The following MYH2 variants were observed in gnomAD, a reference collection of about 807,000 sequenced individuals.
MYH2 encodes myosin-2.
MYH2 carries 139 observed loss-of-function variants against 228.1 expected under a neutral mutation model. That is an observed-to-expected ratio of 0.61 (90% confidence interval 0.53 to 0.70). The LOEUF (loss-of-function observed/expected upper bound fraction) is 0.70. Ranked by LOEUF, MYH2 falls within the 30% of genes least tolerant of loss-of-function variation. The pLI is 0.00. For missense variants in MYH2, 1,809 were observed against 2,357.5 expected, an observed-to-expected ratio of 0.77 and a Z score of 4.82; for synonymous variants, 796 against 871.1, an observed-to-expected ratio of 0.91 and a Z score of 1.52.
Position 10,529,607 on chromosome 17 carries a change from G to A in MYH2, c.3074C>T (p.Thr1025Ile). ...DLQAEEDKVN[T>I]LTKAKIKLEQ... ...AAGTTTGATTTTAGCTTTGGTCAGG[G>A]TGTTGACTTTGTCCTCCTCTGCCTG... Residue 1025 changes from threonine to isoleucine, a missense_variant, in exon 24 of 40, where the codon ACC becomes ATC. Coordinates refer to ENST00000245503, the MANE Select transcript of MYH2 (RefSeq NM_017534.6). 6.2e-7 allele frequency: 1 copy of A among 1,614,128 alleles called. No homozygotes were observed. Among genetic ancestry groups the A allele is most frequent in the Non-Finnish European group, 8.5e-7 (1 of 1,180,032 alleles).
Position 10,523,686 on chromosome 17 carries a change from A to T in MYH2, c.5302-20T>A. 6.2e-7 allele frequency: 1 copy of T among 1,614,232 alleles called. No homozygotes were observed. The highest frequency in any genetic ancestry group is 1.1e-5 in the South Asian group (1 of 91,082). On this transcript the variant is annotated intron_variant, in intron 36 of 39. Transcript: ENST00000245503. The stretch of plus-strand genomic sequence containing the variant: ...GGCGGCCTAAATAGCAAATAAATCA[A>T]GAAAACCAAGAAAGTTATAGATGTC...
chr17:10,538,006 G>A (rs2073503547), intron 14 of MYH2, 171 bp from the exon 15 acceptor site: 1 of 1,274,402 alleles, frequency 7.8e-7, no homozygotes, highest in Admixed American at 2.5e-5. Context: ...AAGGTTTGAG[G>A]GCATGTGGAA....
At position 10,527,866 on chromosome 17, in the gene MYH2, T is replaced by C; in HGVS notation, c.3753A>G (p.Leu1251=). 1 of 1,613,424 alleles carries C rather than the reference T, an allele frequency of 6.2e-7. No homozygotes were observed. ...CCTCTAGAGTCCGGCACATTTTCTC[T>C]AGGTTTCCCTATAGAAGAAAAAGTA... is the stretch of plus-strand genomic sequence containing the variant. ...VETVSKAKGN[L]EKMCRTLEDQ... The change falls in exon 28 of 40, where the codon CTA becomes CTG. Residue 1251 remains leucine, a synonymous_variant. Transcript: ENST00000245503.
chr17:10,542,831 G>T, intron 10 of MYH2, 44 bp downstream of exon 10: 1 of 1,323,896 alleles, frequency 7.6e-7, no homozygotes, highest in Non-Finnish European at 1.1e-6. Context: ...GCATTGATAG[G>T]TACTGATGCA....
Position 10,539,433 on chromosome 17 carries a change from T to A in MYH2, c.1266+11A>T. 1 of 1,614,102 alleles carries A rather than the reference T, an allele frequency of 6.2e-7. No homozygotes were observed. The highest frequency in any genetic ancestry group is 1.3e-5 in the African/African-American group (1 of 75,056). ...TTCATCCCTGGCAGTTAATTTGAAT[T>A]ATGCACCTACCTGTTCTACAGTCTG... On this transcript the variant is annotated intron_variant, in intron 13 of 39. Transcript: ENST00000245503.
rs551974063 is a variant in MYH2 at position 10,521,509 on chromosome 17, C to T, written c.5674-77G>A. On this transcript the variant is annotated intron_variant, in intron 39 of 39. Transcript: ENST00000245503. ...TCTTTAGACCTAATAGAAGAAAGGA[C>T]TTGGCATCTATGGAGAAGCAACATC... 4.0e-6 allele frequency: 6 copies of T among 1,510,132 alleles called. No individual in the cohort carries two copies. In the South Asian group the frequency reaches 5.7e-5, roughly 14 times the overall value. The allele number at this position is 1,510,132 out of a possible 1,614,324, so 93.5% of individuals were successfully genotyped here. A position where few individuals can be genotyped will look rare whatever the true frequency, so the allele number is the denominator to read the frequency against.
In MYH2 at chr17:10,523,504, C is replaced by G; in HGVS notation, c.5464G>C (p.Glu1822Gln). 1 of 1,614,180 alleles carries G rather than the reference C, an allele frequency of 6.2e-7. No homozygotes were observed. The highest frequency in any genetic ancestry group is 8.5e-7 in the Non-Finnish European group (1 of 1,180,032). The part of the protein sequence containing the change: ...KGGKKQIQKL[E>Q]ARVRELEGEV... ...GATATTGGGAGACCCACCCTGGCCT[C>G]CAGTTTCTGGATCTGCTTCTTCCCA... The change falls in exon 37 of 40, where the codon GAG becomes CAG. Residue 1822 changes from glutamate (E) to glutamine (Q), a missense_variant. By Grantham distance (29) the Glu-to-Gln change is conservative. Coordinates refer to ENST00000245503, the MANE Select transcript of MYH2 (RefSeq NM_017534.6).
intron 10 of MYH2, among the ~76,000 whole-genome samples, chr17:10,541,328 A>C (rs539203275): frequency 4.4e-4 from 67 of 152,200 alleles, no homozygotes; most frequent in African/African-American, 1.5e-3. Context: ...TCCTAGGGGG[A>C]GGTCTCTAAA....
Position 10,539,308 on chromosome 17 carries a change from ATCT to A in MYH2, c.1310_1312del (p.Lys437del). 6.2e-7 allele frequency: 1 copy of A among 1,614,230 alleles called. No individual in the cohort carries two copies. Among genetic ancestry groups the A allele is most frequent in the Non-Finnish European group, 8.5e-7 (1 of 1,180,040 alleles). ...GATGCGGGCAACCATCCACAGGAAC[ATCT>A]TCTCGTAGACGGCTTTGGCCAGAGC... On this transcript the variant is annotated inframe_deletion, in exon 14 of 40. Transcript: ENST00000245503.
intron 2 of MYH2, 55 bp from the exon 3 acceptor site, chr17:10,547,995 A>C (rs534120178): frequency 7.0e-7 from 1 of 1,424,832 alleles, no homozygotes; most frequent in East Asian, 2.4e-5. Flanking sequence ...GTATACCAAT[A>C]AATCTTAATA....
chr17:10,523,865 G>A lies in MYH2; in HGVS notation c.5195C>T (p.Thr1732Ile). ...AATATCTGTCTCCAGCTTCTTCTTG[G>A]TGTTGATCAGGCTGGTGTTCTGTTT... Reference protein sequence around the residue: ...LHTQNTSLINTKKKLETDISQ... With the variant: ...LHTQNTSLINIKKKLETDISQ... Residue 1732 changes from threonine to isoleucine, a missense_variant, in exon 36 of 40, where the codon ACC becomes ATC. By Grantham distance (89) the Thr-to-Ile change is moderately conservative. Coordinates refer to ENST00000245503, the MANE Select transcript of MYH2 (RefSeq NM_017534.6). 1 of 1,613,654 alleles carries A rather than the reference G, an allele frequency of 6.2e-7. No individual in the cohort carries two copies. Among genetic ancestry groups the A allele is most frequent in the Non-Finnish European group, 8.5e-7 (1 of 1,179,712 alleles).
Position 10,521,168 on chromosome 17 carries a change from A to T in MYH2, c.*112T>A. The T allele has an allele frequency of 7.6e-7, 1 of 1,308,370 alleles. No homozygotes were observed. Among genetic ancestry groups the T allele is most frequent in the Non-Finnish European group, 1.1e-6 (1 of 907,362 alleles). The allele number at this position is 1,308,370 out of a possible 1,614,324, so 81.0% of individuals were successfully genotyped here. ...AAGGATATTGTTTGCAAACTACCCT[A>T]TGCTTTATTTCCTTTGCAACAGGGT... On this transcript the variant is annotated 3_prime_UTR_variant, in exon 40 of 40. Coordinates refer to ENST00000245503, the MANE Select transcript of MYH2 (RefSeq NM_017534.6).
At chr17:10,527,125 G>A in intron 28 of MYH2, 69 bp from the exon 29 acceptor site, 1 of 1,437,238 alleles carries the variant, frequency 7.0e-7, no homozygotes, top group Non-Finnish European at 9.8e-7. Context: ...ATGTTAGAAA[G>A]AAATTTTGAC....
At position 10,540,791 on chromosome 17, in the gene MYH2, G is replaced by A. The variant is rs1177656236; in HGVS notation, c.905-94C>T. 31 of 1,059,538 alleles carry A rather than the reference G, an allele frequency of 2.9e-5. No homozygotes were observed. The South Asian group carries it at 3.5e-4, about 12-fold the overall frequency. The allele number at this position is 1,059,538 out of a possible 1,614,324, so 65.6% of individuals were successfully genotyped here. A position where few individuals can be genotyped will look rare whatever the true frequency, so the allele number is the denominator to read the frequency against. ...AAATTGTGAGGCACTATATTGTTGT[G>A]GGAACTCAGGGACCCCAAATAGAGG... On this transcript the variant is annotated intron_variant, in intron 10 of 39. Transcript: ENST00000245503.
intron 4 of MYH2, among the ~76,000 whole-genome samples, chr17:10,546,884 A>G (rs2073641157): frequency 6.6e-6 from 1 of 151,802 alleles, no homozygotes; most frequent in African/African-American, 2.4e-5. Flanking sequence ...GTTCGAGACC[A>G]GTCTGGGCAA....
intron 39 of MYH2, among the ~76,000 whole-genome samples, chr17:10,521,782 T>G (rs2073288692): frequency 6.6e-6 from 1 of 152,110 alleles, no homozygotes; most frequent in Non-Finnish European, 1.5e-5. Flanking sequence ...AGTTAGATTT[T>G]TTTTATCATA....
rs768197786 is a variant in MYH2, at chr17:10,523,678, A to G, written c.5302-12T>C. Reference sequence around the variant, plus strand: ...GCCATCATGGCGGCCTAAATAGCAAATAAATCAAGAAAACCAAGAAAGTTA... The same window carrying G: ...GCCATCATGGCGGCCTAAATAGCAAGTAAATCAAGAAAACCAAGAAAGTTA... On this transcript the variant is annotated splice_polypyrimidine_tract_variant and intron_variant, in intron 36 of 39. Transcript: ENST00000245503. The G allele has an allele frequency of 1.9e-6, 3 of 1,614,208 alleles. No homozygotes were observed. The South Asian group carries it at 3.3e-5, about 18-fold the overall frequency.
At chr17:10,539,056 T>C in intron 14 of MYH2, 149 bp downstream of exon 14, 2 of 1,393,020 alleles carry the variant, frequency 1.4e-6, no homozygotes, top group Admixed American at 2.0e-5. Context: ...GTGGAATTGG[T>C]ACTACAATAA....
At chr17:10,539,815 T>A in intron 12 of MYH2, 113 bp downstream of exon 12, 2 of 1,479,542 alleles carry the variant, frequency 1.4e-6, no homozygotes, top group East Asian at 4.5e-5. Context: ...ACAGATACTT[T>A]AAAACTTAAT....
Sources: allele counts gnomAD v4.1 joint callset (sites outside exome capture counted in the v4.1 genomes callset), GRCh38; gene constraint gnomAD v4.1.1; transcripts MANE v1.5; gene names NCBI Gene and HGNC (gene_info 2026-07-23, HGNC 2026-07-21).